The following PACRG variants were observed in gnomAD, a reference collection of about 807,000 sequenced individuals.
PACRG encodes parkin coregulated, also known as parkin coregulated gene protein.
A neutral mutation model predicts 29.7 loss-of-function variants in PACRG; 29 were observed. The ratio of observed to expected loss-of-function variants is 0.98; its 90% CI spans 0.73 to 1.33. The LOEUF (loss-of-function observed/expected upper bound fraction) is 1.33. PACRG is among the 40% of genes most tolerant of loss of function. The pLI is 0.00. For synonymous variants in PACRG, 116 were observed against 118.7 expected, an observed-to-expected ratio of 0.98 and a Z score of 0.15; for missense variants, 279 against 316.2, an observed-to-expected ratio of 0.88 and a Z score of 0.89.
At chr6:163,243,361 C>T (rs987329593) in intron 4 of PACRG, among the ~76,000 whole-genome samples, 1 of 152,188 alleles carries the variant, frequency 6.6e-6, no homozygotes, top group Non-Finnish European at 1.5e-5. Context: ...ATGTGTCCAG[C>T]GTGTGAATGT....
chr6:163,099,737 T>A (rs1187337126), intron 4 of PACRG, among the ~76,000 whole-genome samples: 2 of 152,210 alleles, frequency 1.3e-5, no homozygotes, highest in Non-Finnish European at 1.5e-5. Flanking sequence ...ATGCCATCGT[T>A]AAAAGGTCCG....
intron 4 of PACRG, among the ~76,000 whole-genome samples, chr6:163,257,230 A>G (rs1404713633): frequency 6.6e-6 from 1 of 151,588 alleles, no homozygotes; most frequent in Non-Finnish European, 1.5e-5. Context: ...ACACAACTCA[A>G]CCCCGTACAT....
chr6:163,230,040 G>GA (rs1416795843), intron 4 of PACRG, among the ~76,000 whole-genome samples: 1 of 152,196 alleles, frequency 6.6e-6, no homozygotes, highest in Non-Finnish European at 1.5e-5. Context: ...AGTGGCATCA[G>GA]AAACGCCTCA....
intron 4 of PACRG, among the ~76,000 whole-genome samples, chr6:163,199,993 G>A (rs73784527): frequency 0.014 from 2,142 of 152,214 alleles, 48 homozygotes; most frequent in African/African-American, 0.049. Context: ...TGGCACTATA[G>A]TGTATTTATC....
intron 1 of PACRG, among the ~76,000 whole-genome samples, chr6:162,745,453 A>G (rs1384071929): frequency 6.6e-6 from 1 of 152,156 alleles, no homozygotes; most frequent in African/African-American, 2.4e-5. Context: ...TAAAATCTAG[A>G]TTTTGATTGA....
chr6:162,731,360 G>A (rs1054649033), intron 1 of PACRG, among the ~76,000 whole-genome samples: 17 of 151,802 alleles, frequency 1.1e-4, no homozygotes, highest in Non-Finnish European at 2.5e-4. Context: ...AAATGTTTGG[G>A]ATAAAAATTT....
At chr6:163,231,732 T>A (rs1386480658) in intron 4 of PACRG, among the ~76,000 whole-genome samples, 1 of 152,140 alleles carries the variant, frequency 6.6e-6, no homozygotes, top group African/African-American at 2.4e-5. Flanking sequence ...TCAGAGCCCC[T>A]TATCCATGAG....
At chr6:162,774,908 C>T (rs1312979442) in intron 1 of PACRG, among the ~76,000 whole-genome samples, 1 of 152,168 alleles carries the variant, frequency 6.6e-6, no homozygotes, top group African/African-American at 2.4e-5. Flanking sequence ...TGCCTCTCAC[C>T]TATCTTTGTT....
intron 2 of PACRG, among the ~76,000 whole-genome samples, chr6:162,846,240 T>C (rs1045388497): frequency 6.6e-6 from 1 of 152,116 alleles, no homozygotes; most frequent in African/African-American, 2.4e-5. Context: ...CAGTCACCGC[T>C]GGGAGCAGCC....
At chr6:163,226,400 T>C (rs894910878) in intron 4 of PACRG, among the ~76,000 whole-genome samples, 4 of 152,250 alleles carry the variant, frequency 2.6e-5, no homozygotes, top group African/African-American at 9.6e-5. Context: ...GATATGCTAA[T>C]AAGCTTGATG....
At chr6:163,072,882 C>G (rs950216167) in intron 3 of PACRG, among the ~76,000 whole-genome samples, 5 of 151,724 alleles carry the variant, frequency 3.3e-5, no homozygotes, top group African/African-American at 1.2e-4. Context: ...AACTAAGTAC[C>G]TAAGAATTAA....
intron 2 of PACRG, among the ~76,000 whole-genome samples, chr6:162,969,044 C>T (rs1416918839): frequency 6.7e-5 from 1 of 14,968 alleles, no homozygotes; most frequent in Non-Finnish European, 1.2e-4. Flanking sequence ...GAGACTCTAT[C>T]ACAAAAAAAA....
intron 2 of PACRG, among the ~76,000 whole-genome samples, chr6:162,975,385 A>G (rs1322621575): frequency 2.0e-5 from 3 of 152,226 alleles, no homozygotes; most frequent in Non-Finnish European, 4.4e-5. Context: ...AAAATACAAG[A>G]TAGTATTGCA....
intron 2 of PACRG, chr6:162,957,266 C>A (rs1057360925): frequency 2.9e-5 from 15 of 521,960 alleles, no homozygotes; most frequent in South Asian, 1.3e-4. Flanking sequence ...GCTGTCAACA[C>A]TTTCACAATG....
intron 2 of PACRG, among the ~76,000 whole-genome samples, chr6:163,054,391 G>A (rs1237491895): frequency 1.3e-5 from 2 of 152,112 alleles, no homozygotes; most frequent in Non-Finnish European, 2.9e-5. Flanking sequence ...CACAGAACTC[G>A]AATATGCTGA....
At chr6:163,024,710 A>AT (rs78603533) in intron 2 of PACRG, among the ~76,000 whole-genome samples, 25,042 of 151,698 alleles carry the variant, frequency 0.17, 2,313 homozygotes, top group East Asian at 0.26. Context: ...TGAACATGAG[A>AT]TTTTTTTTTA....
chr6:162,851,072 C>T (rs1013212264), intron 2 of PACRG, among the ~76,000 whole-genome samples: 3 of 152,202 alleles, frequency 2.0e-5, no homozygotes, highest in Non-Finnish European at 2.9e-5. Context: ...GTGTTGACTG[C>T]GGCGGCAGTG....
intron 3 of PACRG, among the ~76,000 whole-genome samples, chr6:163,080,823 G>C (rs1294544310): frequency 5.3e-5 from 8 of 151,992 alleles, no homozygotes; most frequent in Admixed American, 2.0e-4. Flanking sequence ...GGCATGCTAT[G>C]GTATTTATAT....
chr6:163,137,518 A>G (rs1048706638), intron 4 of PACRG, among the ~76,000 whole-genome samples: 1 of 152,090 alleles, frequency 6.6e-6, no homozygotes, highest in African/African-American at 2.4e-5. Context: ...GGATTTCCCA[A>G]GCGACAAGAA....
Sources: allele counts gnomAD v4.1 joint callset (sites outside exome capture counted in the v4.1 genomes callset), GRCh38; gene constraint gnomAD v4.1.1; transcripts MANE v1.5; gene names NCBI Gene and HGNC (gene_info 2026-07-23, HGNC 2026-07-21).